The following DST variants were observed in gnomAD, a reference collection of about 807,000 sequenced individuals.
DST encodes dystonin, also known as bullous pemphigoid antigen.
DST carries 253 observed loss-of-function variants against 875.2 expected under a neutral mutation model. The observed-to-expected ratio is 0.29, with a 90% CI of 0.26 to 0.32. The LOEUF is 0.32. Among genes scored for constraint, DST ranks in the 10% least tolerant of loss-of-function variants. The pLI, the probability that DST is intolerant of heterozygous loss-of-function variation, is 1.00. For missense variants in DST, 8,287 were observed against 9,111.6 expected, an observed-to-expected ratio of 0.91 and a Z score of 3.68; for synonymous variants, 3,124 against 3,197.1, an observed-to-expected ratio of 0.98 and a Z score of 0.77.
intron 9 of DST, 85 bp from the exon 10 acceptor site, chr6:56,670,892 A>G (rs2099097699): frequency 2.6e-6 from 2 of 779,778 alleles, no homozygotes; most frequent in Non-Finnish European, 3.8e-6. Flanking sequence ...AGCACTTTCC[A>G]AAATCTAAGA....
At position 56,899,780 on chromosome 6, in the gene DST, A is replaced by ATG; in HGVS notation, c.417+639_417+640dup. Among the ~76,000 whole-genome samples, 6 of 152,326 alleles carry ATG rather than the reference A, an allele frequency of 3.9e-5. 1 individual carries two copies. The highest frequency in any genetic ancestry group is 3.9e-4 in the Admixed American group (6 of 15,300). On this transcript the variant is annotated intron_variant, in intron 3 of 103. Transcript: ENST00000680361. ...GAGCACACAGAACAACGTGCTCAGG[A>ATG]TGTGAGAAGGGGATGAAGACCAGCT...
At chr6:56,842,124 T>C (rs1430126753) in intron 4 of DST, among the ~76,000 whole-genome samples, 2 of 152,184 alleles carry the variant, frequency 1.3e-5, no homozygotes, top group African/African-American at 4.8e-5. Context: ...AAAAACTACA[T>C]GCATCATTAA....
intron 2 of DST, among the ~76,000 whole-genome samples, chr6:56,902,451 G>A (rs1435724510): frequency 6.6e-6 from 1 of 152,220 alleles, no homozygotes; most frequent in African/African-American, 2.4e-5. Context: ...GCCGGAAGAT[G>A]GGCTACTGTC....
chr6:56,630,533 T>G, intron 30 of DST, 150 bp from the exon 31 acceptor site: 3 of 766,114 alleles, frequency 3.9e-6, no homozygotes, highest in Non-Finnish European at 6.4e-6. Context: ...TTTTTCTGGC[T>G]TTCTTCTTAA....
At chr6:56,582,333 G>C (rs545772743) in intron 49 of DST, among the ~76,000 whole-genome samples, 5 of 152,196 alleles carry the variant, frequency 3.3e-5, no homozygotes, top group Non-Finnish European at 7.3e-5. Flanking sequence ...GTCCTCGACA[G>C]TGAGTGAATT....
intron 66 of DST, 80 bp downstream of exon 66, chr6:56,529,368 A>G (rs145266306): frequency 8.6e-7 from 1 of 1,164,584 alleles, no homozygotes; most frequent in African/African-American, 1.5e-5. Flanking sequence ...TCATAAACAT[A>G]AAATTGTACA....
chr6:56,707,783 T>G (rs1418010989), intron 5 of DST, among the ~76,000 whole-genome samples: 1 of 152,220 alleles, frequency 6.6e-6, no homozygotes, highest in African/African-American at 2.4e-5. Context: ...CAGGTGTCAT[T>G]TGCTACTATC....
chr6:56,502,620 G>A (rs1236343739), intron 78 of DST, among the ~76,000 whole-genome samples: 4 of 152,002 alleles, frequency 2.6e-5, no homozygotes, highest in African/African-American at 9.7e-5. Flanking sequence ...TAACCAGGCT[G>A]CTATATAAAA....
intron 10 of DST, among the ~76,000 whole-genome samples, chr6:56,668,207 T>C (rs1467422430): frequency 6.6e-6 from 1 of 152,212 alleles, no homozygotes; most frequent in African/African-American, 2.4e-5. Context: ...GTATAGAATG[T>C]GTCCAGCTGC....
intron 4 of DST, among the ~76,000 whole-genome samples, chr6:56,743,982 T>G (rs2099558756): frequency 6.6e-6 from 1 of 151,938 alleles, no homozygotes; most frequent in African/African-American, 2.4e-5. Context: ...ACCCCATCTC[T>G]ACTAAAAATA....
intron 77 of DST, among the ~76,000 whole-genome samples, chr6:56,506,167 TA>T (rs972443315): frequency 9.9e-5 from 15 of 152,090 alleles, no homozygotes; most frequent in African/African-American, 3.1e-4. Flanking sequence ...TACTTTCACT[TA>T]AAAAAAATCA....
At chr6:56,515,754 G>A in intron 71 of DST, 86 bp from the exon 72 acceptor site, 2 of 970,998 alleles carry the variant, frequency 2.1e-6, no homozygotes, top group South Asian at 1.7e-5. Flanking sequence ...CAGTACACCT[G>A]GACAGAGTGG....
At chr6:56,822,954 C>T (rs182777151) in intron 4 of DST, among the ~76,000 whole-genome samples, 287 of 152,010 alleles carry the variant, frequency 1.9e-3, no homozygotes, top group Non-Finnish European at 3.5e-3. Flanking sequence ...CTCAGCCTCC[C>T]GAGTAGCTGG....
chr6:56,822,341 G>A (rs1432140502), intron 4 of DST, among the ~76,000 whole-genome samples: 2 of 152,176 alleles, frequency 1.3e-5, no homozygotes, highest in Non-Finnish European at 2.9e-5. Context: ...GGTACAGGAA[G>A]AAGAAACCAG....
At position 56,641,998 on chromosome 6, in the gene DST, A is replaced by G. The variant is rs373037345; in HGVS notation, c.1976T>C (p.Val659Ala). The change falls in exon 17 of 104, where the codon GTA becomes GCA. Residue 659 changes from valine (V) to alanine (A), a missense_variant. Physicochemically the swap from Val to Ala is moderately conservative, Grantham distance 64 (BLOSUM62 0). Coordinates refer to ENST00000680361, the MANE Select transcript of DST (RefSeq NM_001374736.1). The stretch of plus-strand genomic sequence containing the variant: ...GTATTTTCCATCAATAAGAATCTGT[A>G]CATCAATTACATGCTGGCGTAAAAG... The part of the protein sequence containing the change: ...ENLLRQHVID[V>A]QILIDGKYYQ... 21 of 1,613,364 alleles carry G rather than the reference A, an allele frequency of 1.3e-5. No individual in the cohort carries two copies. The highest frequency in any genetic ancestry group is 1.8e-5 in the Non-Finnish European group (21 of 1,179,612).
At chr6:56,658,824 G>A (rs1246784962) in intron 10 of DST, among the ~76,000 whole-genome samples, 1 of 152,182 alleles carries the variant, frequency 6.6e-6, no homozygotes, top group African/African-American at 2.4e-5. Flanking sequence ...AGTAAACCAG[G>A]AGAAAACCTG....
chr6:56,942,327 A>G (rs73463742), intron 2 of DST, among the ~76,000 whole-genome samples: 4,497 of 152,108 alleles, frequency 0.03, 209 homozygotes, highest in African/African-American at 0.097. Context: ...GTAATTATTG[A>G]TATTATTAGA....
At chr6:56,908,050 C>T (rs148345001) in intron 2 of DST, among the ~76,000 whole-genome samples, 47 of 150,884 alleles carry the variant, frequency 3.1e-4, no homozygotes, top group Admixed American at 2.6e-3. Flanking sequence ...GCCTGGGAGG[C>T]GGAGTGAGAC....
intron 4 of DST, among the ~76,000 whole-genome samples, chr6:56,756,971 G>A (rs1192208433): frequency 6.6e-6 from 1 of 152,140 alleles, no homozygotes; most frequent in Non-Finnish European, 1.5e-5. Flanking sequence ...CTCAGCAACT[G>A]TATGTGATAC....
Sources: gnomAD v4.1 joint callset for allele counts (sites outside exome capture counted in the v4.1 genomes callset) on GRCh38, gnomAD v4.1.1 for gene constraint, MANE v1.5 for transcripts, NCBI Gene and HGNC (gene_info 2026-07-23, HGNC 2026-07-21) for gene names.